Variants in PRKG1 observed in about 807,000 individuals in gnomAD.
PRKG1 encodes cGMP-dependent protein kinase 1.
In PRKG1, 35 loss-of-function variants were observed where a neutral mutation model predicts 88.1. That is an observed-to-expected ratio of 0.40 (90% CI 0.30 to 0.53). The LOEUF is 0.53. PRKG1 is among the 20% of genes least tolerant of loss of function. The pLI, the probability that PRKG1 is intolerant of heterozygous loss-of-function variation, is 0.59. For synonymous variants in PRKG1, 303 were observed against 292.5 expected (o/e 1.04, Z -0.37); for missense variants, 540 against 839.8 (o/e 0.64, Z 4.41).
chr10:51,628,964 T>TC (rs1554827078), intron 3 of PRKG1, among the ~76,000 whole-genome samples: 30 of 20,094 alleles, frequency 1.5e-3, no homozygotes, highest in Middle Eastern at 0.071. Flanking sequence ...AGACTCCGTC[T>TC]CAAAAAAAAA....
intron 4 of PRKG1, among the ~76,000 whole-genome samples, chr10:51,889,371 C>T (rs1486583556): frequency 1.3e-5 from 2 of 151,940 alleles, no homozygotes; most frequent in Non-Finnish European, 2.9e-5. Flanking sequence ...CATCCATGTC[C>T]CTACAAAGGA....
chr10:52,229,079 G>A (rs191347752), intron 9 of PRKG1, among the ~76,000 whole-genome samples: 12 of 151,940 alleles, frequency 7.9e-5, no homozygotes, highest in Admixed American at 5.9e-4. Flanking sequence ...GATCTTTTAT[G>A]TACTATTTTT....
Position 51,493,365 on chromosome 10 carries a change from G to T in PRKG1, c.592+25529G>T, listed in dbSNP as rs569048870. Among the ~76,000 whole-genome samples the T allele has an allele frequency of 7.9e-5, 12 of 152,226 alleles. No homozygotes were observed. In the East Asian group the frequency reaches 2.1e-3, roughly 27 times the overall value. The stretch of plus-strand genomic sequence containing the variant: ...ATTTTAAAATTTGTTGTAATTAGTG[G>T]ATTGTTTGTAATTGCCTTTTGGGGC... On this transcript the variant is annotated intron_variant, in intron 3 of 17. Coordinates refer to ENST00000373980, the MANE Select transcript of PRKG1 (RefSeq NM_006258.4).
intron 2 of PRKG1, among the ~76,000 whole-genome samples, chr10:51,464,260 C>T (rs893518262): frequency 1.1e-4 from 16 of 151,900 alleles, no homozygotes; most frequent in African/African-American, 3.9e-4. Context: ...TGCTCTCCAG[C>T]CTGGCTGAGC....
In PRKG1 at chr10:51,850,726, A is replaced by G. The variant is rs968230057; in HGVS notation, c.698+46036A>G. Among the ~76,000 whole-genome samples the G allele has an allele frequency of 1.6e-4, 24 of 152,296 alleles. No individual in the cohort carries two copies. The East Asian group carries it at 4.4e-3, about 28-fold the overall frequency. On this transcript the variant is annotated intron_variant, in intron 4 of 17. Transcript: ENST00000373980. ...AAGCAGATAGTTTTTAAACGTATAA[A>G]AGATAAATAACCTCATTCATGATAA... is the stretch of plus-strand genomic sequence containing the variant.
chr10:51,278,195 G>A (rs1840183463), intron 2 of PRKG1, among the ~76,000 whole-genome samples: 3 of 152,154 alleles, frequency 2.0e-5, no homozygotes, highest in Admixed American at 2.0e-4. Context: ...GGCCTTTTCT[G>A]CATCTATTGA....
At chr10:51,964,444 G>A (rs1843519963) in intron 5 of PRKG1, among the ~76,000 whole-genome samples, 1 of 152,140 alleles carries the variant, frequency 6.6e-6, no homozygotes, top group South Asian at 2.1e-4. Context: ...AATTCAGTTT[G>A]AAAGTTCAGC....
rs563821652 is a variant in PRKG1, at chr10:51,098,970, A to G, written c.311+24069A>G. Among the ~76,000 whole-genome samples the G allele has an allele frequency of 3.3e-5, 5 of 152,290 alleles. No individual in the cohort carries two copies. The South Asian group carries it at 1.0e-3, about 32-fold the overall frequency. Reference sequence around the variant, plus strand: ...GCAGTTTCTCACATATGAGAGCACAAAAGCCTAGCTCCCTTGCCTCAGAGA... The same window carrying G: ...GCAGTTTCTCACATATGAGAGCACAGAAGCCTAGCTCCCTTGCCTCAGAGA... On this transcript the variant is annotated intron_variant, in intron 1 of 17. Coordinates refer to ENST00000373980, the MANE Select transcript of PRKG1 (RefSeq NM_006258.4).
At chr10:51,779,350 G>A (rs1459514602) in intron 3 of PRKG1, among the ~76,000 whole-genome samples, 1 of 152,046 alleles carries the variant, frequency 6.6e-6, no homozygotes, top group Non-Finnish European at 1.5e-5. Context: ...TGTCTACCAA[G>A]CAAATCAGCT....
chr10:52,076,437 A>C (rs1846630893), intron 7 of PRKG1, among the ~76,000 whole-genome samples: 1 of 152,104 alleles, frequency 6.6e-6, no homozygotes, highest in Admixed American at 6.5e-5. Flanking sequence ...TGCACCTGTG[A>C]TCCCAGCTGC....
chr10:52,059,898 T>TTGTTATAGA (rs1283816797), intron 6 of PRKG1, among the ~76,000 whole-genome samples: 17 of 151,942 alleles, frequency 1.1e-4, no homozygotes, highest in Admixed American at 1.0e-3. Flanking sequence ...TAGGCATATC[T>TTGTTATAGA]ATAACAAGAA....
intron 1 of PRKG1, among the ~76,000 whole-genome samples, chr10:51,081,925 T>A (rs1248367144): frequency 6.6e-6 from 1 of 152,112 alleles, no homozygotes; most frequent in African/African-American, 2.4e-5. Flanking sequence ...CCTGGATAAT[T>A]TTTAATTTTT....
chr10:51,942,759 T>C lies in PRKG1; in HGVS notation c.762+35189T>C, dbSNP rs561547139. Among the ~76,000 whole-genome samples, 1,037 of 151,540 alleles carry C rather than the reference T, an allele frequency of 6.8e-3. 4 individuals carry two copies. Among genetic ancestry groups the C allele is most frequent in the Middle Eastern group, 0.024 (7 of 290 alleles). ...CTCAGGTTTGTCAAAGATCAGATAG[T>C]TGTAGATATATGGCATTATTTCTGA... On this transcript the variant is annotated intron_variant, in intron 5 of 17. Coordinates refer to ENST00000373980, the MANE Select transcript of PRKG1 (RefSeq NM_006258.4).
At chr10:51,449,056 G>T (rs1167532449) in intron 2 of PRKG1, among the ~76,000 whole-genome samples, 1 of 151,804 alleles carries the variant, frequency 6.6e-6, no homozygotes, top group East Asian at 1.9e-4. Flanking sequence ...GAATTTTTAA[G>T]CTACCTCACC....
intron 2 of PRKG1, among the ~76,000 whole-genome samples, chr10:51,164,142 AC>A (rs930883848): frequency 2.0e-5 from 3 of 151,970 alleles, no homozygotes; most frequent in East Asian, 1.9e-4. Context: ...ACTGGGAGGC[AC>A]CCCCCAGTAG....
At chr10:52,008,162 A>G (rs1314469173) in intron 5 of PRKG1, among the ~76,000 whole-genome samples, 1 of 152,172 alleles carries the variant, frequency 6.6e-6, no homozygotes, top group Non-Finnish European at 1.5e-5. Flanking sequence ...CTAAACACCC[A>G]TATCAAAAAG....
At chr10:51,992,274 T>G (rs1844331333) in intron 5 of PRKG1, among the ~76,000 whole-genome samples, 1 of 152,156 alleles carries the variant, frequency 6.6e-6, no homozygotes, top group Admixed American at 6.6e-5. Flanking sequence ...ATAGAAAATG[T>G]GCACACAGAG....
intron 2 of PRKG1, among the ~76,000 whole-genome samples, chr10:51,183,452 G>A (rs1837404069): frequency 6.6e-6 from 1 of 152,170 alleles, no homozygotes; most frequent in Non-Finnish European, 1.5e-5. Flanking sequence ...CTAGGCAAGA[G>A]TTTTGAACAT....
chr10:51,657,642 T>A (rs982386458), intron 3 of PRKG1, among the ~76,000 whole-genome samples: 25 of 152,176 alleles, frequency 1.6e-4, no homozygotes, highest in South Asian at 2.1e-4. Flanking sequence ...ACCTTGAGAA[T>A]TATGGCCCAT....
Sources: gnomAD v4.1 joint callset for allele counts (sites outside exome capture counted in the v4.1 genomes callset) on GRCh38, gnomAD v4.1.1 for gene constraint, MANE v1.5 for transcripts, NCBI Gene and HGNC (gene_info 2026-07-23, HGNC 2026-07-21) for gene names.